Variants in EXOC4 observed in about 807,000 individuals in gnomAD.
EXOC4 encodes the protein exocyst complex component 4.
Under a neutral mutation model 107.2 loss-of-function variants are expected in EXOC4, and 71 were observed. The observed-to-expected ratio is 0.66, with a 90% CI of 0.55 to 0.81. The LOEUF is 0.81. Ranked by LOEUF, EXOC4 falls within the 30% of genes least tolerant of loss-of-function variation. The pLI, the probability that EXOC4 is intolerant of heterozygous loss-of-function variation, is 0.00. For missense variants in EXOC4, 1,108 were observed against 1,189.6 expected (o/e 0.93, Z 1.01); for synonymous variants, 456 against 441.2 (o/e 1.03, Z -0.42).
At chr7:133,352,145 G>T (rs1236876204) in intron 5 of EXOC4, among the ~76,000 whole-genome samples, 1 of 151,892 alleles carries the variant, frequency 6.6e-6, no homozygotes, top group Non-Finnish European at 1.5e-5. Flanking sequence ...AAGAGTGTGT[G>T]TGTTGCTGTT....
At chr7:134,062,443 G>C (rs1563109504) in intron 17 of EXOC4, among the ~76,000 whole-genome samples, 1 of 152,138 alleles carries the variant, frequency 6.6e-6, no homozygotes, top group Non-Finnish European at 1.5e-5. Flanking sequence ...CCCCATAGGA[G>C]GTTCTTTTTT....
chr7:133,719,104 T>A (rs972142589), intron 10 of EXOC4, among the ~76,000 whole-genome samples: 6 of 152,162 alleles, frequency 3.9e-5, no homozygotes, highest in Non-Finnish European at 5.9e-5. Context: ...TGGGGGCAGG[T>A]CTTTCTCATG....
intron 9 of EXOC4, among the ~76,000 whole-genome samples, chr7:133,517,191 G>C (rs1040395808): frequency 7.9e-5 from 12 of 152,092 alleles, no homozygotes; most frequent in Admixed American, 5.9e-4. Context: ...GAGGGAGTGT[G>C]ATTAATAGAA....
At chr7:133,677,131 C>G (rs528285249) in intron 10 of EXOC4, among the ~76,000 whole-genome samples, 2 of 152,092 alleles carry the variant, frequency 1.3e-5, no homozygotes, top group South Asian at 4.1e-4. Context: ...TGAGAAAAAA[C>G]TTAGTGGTTT....
intron 9 of EXOC4, among the ~76,000 whole-genome samples, chr7:133,521,757 C>T (rs183322939): frequency 4.9e-4 from 74 of 152,062 alleles, no homozygotes; most frequent in Middle Eastern, 3.4e-3. Context: ...GTAGCTGGGA[C>T]TACAGGCACG....
At chr7:134,087,306 C>CT in the EXOC4 span, among the ~76,000 whole-genome samples, 1 of 152,266 alleles carries the variant, frequency 6.6e-6, no homozygotes, top group South Asian at 2.1e-4. Flanking sequence ...TCCTGCCTAA[C>CT]TATTAGAGTC....
intron 10 of EXOC4, among the ~76,000 whole-genome samples, chr7:133,742,305 A>G (rs1382234700): frequency 1.3e-5 from 2 of 152,162 alleles, no homozygotes; most frequent in Non-Finnish European, 1.5e-5. Flanking sequence ...TACCTTTAGC[A>G]TTGAGAACTG....
At chr7:133,508,057 G>A (rs1335351770) in intron 9 of EXOC4, among the ~76,000 whole-genome samples, 1 of 150,470 alleles carries the variant, frequency 6.6e-6, no homozygotes, top group African/African-American at 2.4e-5. Context: ...GCAAAACTCC[G>A]TCTCAAAAAA....
intron 7 of EXOC4, among the ~76,000 whole-genome samples, chr7:133,390,612 T>C (rs796763696): frequency 3.7e-4 from 57 of 152,318 alleles, no homozygotes; most frequent in African/African-American, 1.3e-3. Flanking sequence ...AAGCCCAGCC[T>C]GACCTCCATC....
chr7:133,786,518 C>T (rs143749810), intron 10 of EXOC4, among the ~76,000 whole-genome samples: 52 of 152,310 alleles, frequency 3.4e-4, no homozygotes, highest in Admixed American at 1.4e-3. Context: ...TAGAATATTA[C>T]GAAACAGGTG....
chr7:134,067,264 G>A (rs7810690), downstream of EXOC4, among the ~76,000 whole-genome samples: 117,912 of 151,554 alleles, frequency 0.78, 46,787 homozygotes, highest in African/African-American at 0.93. Flanking sequence ...TGGGAGGGAT[G>A]TGTGGACTGC....
intron 12 of EXOC4, among the ~76,000 whole-genome samples, chr7:133,914,010 A>G (rs1799751588): frequency 6.6e-6 from 1 of 152,224 alleles, no homozygotes; most frequent in Non-Finnish European, 1.5e-5. Context: ...TGGATGCTTT[A>G]GAATAGTCAA....
intron 5 of EXOC4, among the ~76,000 whole-genome samples, chr7:133,331,708 G>A (rs1011642812): frequency 2.6e-5 from 4 of 151,842 alleles, no homozygotes; most frequent in African/African-American, 7.3e-5. Context: ...CTTGTGATCC[G>A]CCCGCCTCGG....
At chr7:133,607,424 A>G (rs949984285) in intron 9 of EXOC4, among the ~76,000 whole-genome samples, 2 of 152,236 alleles carry the variant, frequency 1.3e-5, no homozygotes, top group African/African-American at 2.4e-5. Context: ...TTCAATGCAT[A>G]TGGTGTTGGA....
chr7:133,625,610 C>T (rs944188428), intron 9 of EXOC4, among the ~76,000 whole-genome samples: 4 of 152,160 alleles, frequency 2.6e-5, no homozygotes, highest in Admixed American at 2.0e-4. Flanking sequence ...AATCTTATTA[C>T]TTAAAAGTAA....
chr7:133,770,071 G>A (rs1278631494), intron 10 of EXOC4, among the ~76,000 whole-genome samples: 2 of 55,468 alleles, frequency 3.6e-5, no homozygotes, highest in East Asian at 5.7e-4. Flanking sequence ...CTATACATGT[G>A]GAATGTCACT....
chr7:133,489,028 A>G (rs1799322247), intron 9 of EXOC4, among the ~76,000 whole-genome samples: 2 of 148,918 alleles, frequency 1.3e-5, no homozygotes, highest in Non-Finnish European at 3.0e-5. Flanking sequence ...AATATCTAAT[A>G]TATTTAATAT....
chr7:133,965,683 T>G (rs2116853853), intron 14 of EXOC4, among the ~76,000 whole-genome samples: 1 of 152,334 alleles, frequency 6.6e-6, no homozygotes, highest in Admixed American at 6.5e-5. Context: ...CATTGGTCTA[T>G]ATCTCTGTTT....
At chr7:133,579,058 G>A (rs1801194887) in intron 9 of EXOC4, among the ~76,000 whole-genome samples, 1 of 152,144 alleles carries the variant, frequency 6.6e-6, no homozygotes, top group Non-Finnish European at 1.5e-5. Flanking sequence ...AAGATGTCCT[G>A]TCAGAACTGA....
Sources: gnomAD v4.1 joint callset for allele counts (sites outside exome capture counted in the v4.1 genomes callset) on GRCh38, gnomAD v4.1.1 for gene constraint, MANE v1.5 for transcripts, NCBI Gene and HGNC (gene_info 2026-07-23, HGNC 2026-07-21) for gene names.